The following RFX4 variants were observed in gnomAD, a reference collection of about 807,000 sequenced individuals.
RFX4 encodes regulatory factor X4.
A neutral mutation model predicts 95.0 loss-of-function variants in RFX4; 10 were observed. The observed-to-expected ratio is 0.11, with a 90% CI of 0.06 to 0.18. RFX4 has a LOEUF of 0.18. Among genes scored for constraint, RFX4 ranks in the 10% least tolerant of loss-of-function variants. RFX4 has a pLI of 1.00. For missense variants in RFX4, 640 were observed against 922.0 expected (o/e 0.69, Z 3.96); for synonymous variants, 321 against 340.7 (o/e 0.94, Z 0.64).
intron 11 of RFX4, 41 bp downstream of exon 11, chr12:106,715,585 TTAAAAGA>T (rs752133397): frequency 1.9e-6 from 3 of 1,602,382 alleles, no homozygotes; most frequent in Non-Finnish European, 2.6e-6. Context: ...GTTTTTATTT[TTAAAAGA>T]AAGAAAAAGT....
At chr12:106,705,303 C>T (rs892584387) in intron 8 of RFX4, among the ~76,000 whole-genome samples, 65 of 152,138 alleles carry the variant, frequency 4.3e-4, no homozygotes, top group African/African-American at 1.5e-3. Flanking sequence ...CAGGGAGCTA[C>T]GAGTGTGGAG....
At chr12:106,587,268 C>A (rs966879367) in intron 1 of RFX4, among the ~76,000 whole-genome samples, 6 of 152,184 alleles carry the variant, frequency 3.9e-5, no homozygotes, top group African/African-American at 1.4e-4. Context: ...CGCCTCGGGC[C>A]TGGGATTTCC....
chr12:106,694,718 C>G (rs2041846158), intron 7 of RFX4, among the ~76,000 whole-genome samples: 1 of 152,094 alleles, frequency 6.6e-6, no homozygotes, highest in Non-Finnish European at 1.5e-5. Flanking sequence ...AAGCAAAGTA[C>G]CTGGCATATA....
At chr12:106,696,474 C>T (rs754642366) in intron 8 of RFX4, 28 bp downstream of exon 8, 96 of 1,612,734 alleles carry the variant, frequency 6.0e-5, no homozygotes, top group Non-Finnish European at 7.9e-5. Context: ...TGTCTTCCTT[C>T]ACGGCTGGTC....
At chr12:106,708,484 T>C (rs2042130862) in intron 8 of RFX4, among the ~76,000 whole-genome samples, 1 of 151,450 alleles carries the variant, frequency 6.6e-6, no homozygotes, top group Non-Finnish European at 1.5e-5. Context: ...CAGAGAGAAA[T>C]GGGGTTGCCC....
chr12:106,686,971 G>A lies in RFX4; in HGVS notation c.465G>A (p.Glu155=), dbSNP rs1023094968. Residue 155 remains glutamate, a synonymous_variant, in exon 6 of 18, where the codon GAG becomes GAA. Coordinates refer to ENST00000392842, the MANE Select transcript of RFX4 (RefSeq NM_213594.3). The stretch of plus-strand genomic sequence containing the variant: ...AGAAAGGAGCTGCCTGGGTGAGTGA[G>A]ACGGGCAAGAAAGAAGTGAGCAAAC... ...YSKKGAAWVS[E]TGKKEVSKQT... 12 of 1,613,780 alleles carry A rather than the reference G, an allele frequency of 7.4e-6. No individual in the cohort carries two copies. The highest frequency in any genetic ancestry group is 6.7e-5 in the Admixed American group (4 of 59,956).
chr12:106,748,039 T>G (rs2042928143), intron 16 of RFX4, among the ~76,000 whole-genome samples: 2 of 152,036 alleles, frequency 1.3e-5, no homozygotes, highest in Non-Finnish European at 2.9e-5. Context: ...CACAATATCC[T>G]GAGCACTGTA....
rs193053429 is a variant in RFX4, at chr12:106,725,968, C to T, written c.1351+5092C>T. On this transcript the variant is annotated intron_variant, in intron 13 of 17. Coordinates refer to ENST00000392842, the MANE Select transcript of RFX4 (RefSeq NM_213594.3). The stretch of plus-strand genomic sequence containing the variant: ...CAAAGAATAAAAGAAAAGAAGAGGC[C>T]GGGCGAAGTGGCTCACACCTGTAGT... Among the ~76,000 whole-genome samples, 125 of 151,958 alleles carry T rather than the reference C, an allele frequency of 8.2e-4. 1 individual carries two copies. Among genetic ancestry groups the T allele is most frequent in the Admixed American group, 4.7e-3 (71 of 15,266 alleles).
rs1237942276 is a variant in RFX4 at position 106,648,541 on chromosome 12, T to G, written c.192-5687T>G. Among the ~76,000 whole-genome samples the G allele has an allele frequency of 2.7e-5, 4 of 150,104 alleles. No homozygotes were observed. In the East Asian group the frequency reaches 7.8e-4, roughly 29 times the overall value. On this transcript the variant is annotated intron_variant, in intron 3 of 17. Coordinates refer to ENST00000392842, the MANE Select transcript of RFX4 (RefSeq NM_213594.3). ...TCTCAGATCTCTGTGACAACTTCAG[T>G]GATAAGTTAAAATAGTTAATATTTT... is the stretch of plus-strand genomic sequence containing the variant.
At chr12:106,739,125 C>CAGAAGAAAGAAAGAAAGAA in intron 15 of RFX4, among the ~76,000 whole-genome samples, 1 of 149,050 alleles carries the variant, frequency 6.7e-6, no homozygotes, top group South Asian at 2.2e-4. Flanking sequence ...GGACCAAAAC[C>CAGAAGAAAGAAAGAAAGAA]AGAAAGAAAG....
At chr12:106,639,048 G>A (rs1168296149) in intron 2 of RFX4, among the ~76,000 whole-genome samples, 3 of 152,190 alleles carry the variant, frequency 2.0e-5, no homozygotes, top group Non-Finnish European at 2.9e-5. Flanking sequence ...AAGTGGATGA[G>A]TGTGATCACA....
At chr12:106,685,120 C>T (rs2041615287) in intron 5 of RFX4, among the ~76,000 whole-genome samples, 1 of 152,138 alleles carries the variant, frequency 6.6e-6, no homozygotes, top group Non-Finnish European at 1.5e-5. Flanking sequence ...ATTTGTATTG[C>T]CACGGGACTG....
intron 15 of RFX4, among the ~76,000 whole-genome samples, chr12:106,736,549 C>A (rs1258345214): frequency 5.3e-5 from 8 of 152,132 alleles, no homozygotes. Flanking sequence ...AAAGCCCTGG[C>A]CTGAAGGTGG....
intron 10 of RFX4, among the ~76,000 whole-genome samples, chr12:106,713,141 G>C (rs1294778039): frequency 6.6e-6 from 1 of 152,176 alleles, no homozygotes; most frequent in Non-Finnish European, 1.5e-5. Context: ...TTAAGGCTGG[G>C]AATGAAACAC....
chr12:106,651,117 CT>C (rs2137311414), intron 3 of RFX4, among the ~76,000 whole-genome samples: 1 of 152,270 alleles, frequency 6.6e-6, no homozygotes, highest in South Asian at 2.1e-4. Flanking sequence ...TAGTTCTTCC[CT>C]TTAGATACCC....
At chr12:106,679,540 T>A (rs183760538) in intron 4 of RFX4, among the ~76,000 whole-genome samples, 1 of 152,124 alleles carries the variant, frequency 6.6e-6, no homozygotes, top group East Asian at 1.9e-4. Context: ...GACCTAAACA[T>A]AGGAAAATTT....
intron 1 of RFX4, among the ~76,000 whole-genome samples, chr12:106,599,652 G>A (rs1415094154): frequency 6.6e-6 from 1 of 152,084 alleles, no homozygotes; most frequent in Non-Finnish European, 1.5e-5. Context: ...GATTGGCTGG[G>A]GAGTGAACAC....
rs540667876 is a variant in RFX4 at position 106,671,905 on chromosome 12, G to A, written c.316-10088G>A. On this transcript the variant is annotated intron_variant, in intron 4 of 17. Coordinates refer to ENST00000392842, the MANE Select transcript of RFX4 (RefSeq NM_213594.3). ...TCAAACTCCTAAGCTCAGGCAATCC[G>A]CCCACCTCGGCCTCCCAAAGTGCTA... 7.2e-5 allele frequency among the ~76,000 whole-genome samples: 11 copies of A among 152,082 alleles called. No individual in the cohort carries two copies. In the South Asian group the frequency reaches 1.5e-3, roughly 20 times the overall value.
rs1360647326 is a variant in RFX4, at chr12:106,610,344, A to G, written c.130+1461A>G. ...AAAATTTAGTATTTAATCATCTGAA[A>G]TGTACAATTCATTGACATTAAGTAC... On this transcript the variant is annotated intron_variant, in intron 2 of 17. Transcript: ENST00000392842. 2.0e-5 allele frequency among the ~76,000 whole-genome samples: 3 copies of G among 152,186 alleles called. No individual in the cohort carries two copies. In the East Asian group the frequency reaches 5.8e-4, roughly 29 times the overall value.
Sources: gnomAD v4.1 joint callset for allele counts (sites outside exome capture counted in the v4.1 genomes callset) on GRCh38, gnomAD v4.1.1 for gene constraint, MANE v1.5 for transcripts, NCBI Gene and HGNC (gene_info 2026-07-23, HGNC 2026-07-21) for gene names.